The following DPP6 variants were observed in gnomAD, a reference collection of about 807,000 sequenced individuals.
DPP6 encodes the protein dipeptidyl peptidase like 6, also known as A-type potassium channel modulatory protein DPP6.
DPP6 carries 69 observed loss-of-function variants against 122.6 expected under a neutral mutation model. The ratio of observed to expected loss-of-function variants is 0.56; its 90% CI spans 0.46 to 0.69. The LOEUF (loss-of-function observed/expected upper bound fraction) is 0.69. Among genes scored for constraint, DPP6 ranks in the 30% least tolerant of loss-of-function variants. DPP6 has a pLI of 0.00. For synonymous variants in DPP6, 418 were observed against 433.1 expected, an observed-to-expected ratio of 0.97 and a Z score of 0.43; for missense variants, 928 against 1,116.9, an observed-to-expected ratio of 0.83 and a Z score of 2.41.
chr7:154,156,581 T>C (rs942148387), intron 1 of DPP6, among the ~76,000 whole-genome samples: 2 of 152,186 alleles, frequency 1.3e-5, no homozygotes, highest in African/African-American at 4.8e-5. Context: ...GGCTACATAA[T>C]CTTCATAGAA....
At chr7:153,964,779 CTCCTT>C (rs200745389) in intron 1 of DPP6, among the ~76,000 whole-genome samples, 4,979 of 114,490 alleles carry the variant, frequency 0.043, 236 homozygotes, top group Non-Finnish European at 0.059. Context: ...TTCTCCGTGG[CTCCTT>C]TCCTTTCCTT....
the DPP6 span, among the ~76,000 whole-genome samples, chr7:153,755,178 T>C: frequency 6.6e-6 from 1 of 151,496 alleles, no homozygotes; most frequent in African/African-American, 2.4e-5. Flanking sequence ...AACACTTAAG[T>C]TGGATGGCAA....
chr7:154,364,905 G>A (rs1812026630), intron 1 of DPP6, among the ~76,000 whole-genome samples: 1 of 152,190 alleles, frequency 6.6e-6, no homozygotes, highest in Non-Finnish European at 1.5e-5. Flanking sequence ...TAGGCACCCA[G>A]CTGACATTCA....
At chr7:154,608,611 A>C (rs1309326487) in intron 5 of DPP6, among the ~76,000 whole-genome samples, 1 of 151,594 alleles carries the variant, frequency 6.6e-6, no homozygotes, top group Non-Finnish European at 1.5e-5. Flanking sequence ...TGCCAGGATT[A>C]CAGGCTGAGC....
Position 154,483,071 on chromosome 7 carries a change from G to T in DPP6, c.457+8034G>T, listed in dbSNP as rs933150810. Among the ~76,000 whole-genome samples, 9 of 152,104 alleles carry T rather than the reference G, an allele frequency of 5.9e-5. No individual in the cohort carries two copies. The highest frequency in any genetic ancestry group is 1.3e-4 in the Non-Finnish European group (9 of 68,004). On this transcript the variant is annotated intron_variant, in intron 3 of 25. Coordinates refer to ENST00000377770, the MANE Select transcript of DPP6 (RefSeq NM_130797.4). The surrounding 1 kb of genome is among the most constrained non-coding windows in gnomAD (Gnocchi z 8.1). ...ACCATGGAAAGCGTGGGTTGTGGAG[G>T]TACTGCTCAGAGCCTCTCGGAGGGA...
chr7:153,857,010 G>A, the DPP6 span, among the ~76,000 whole-genome samples: 200 of 152,014 alleles, frequency 1.3e-3, 3 homozygotes, highest in African/African-American at 4.3e-3. Flanking sequence ...ATTTCCTATC[G>A]CCTCTAATTC....
At chr7:154,115,403 A>G (rs1279819654) in intron 1 of DPP6, among the ~76,000 whole-genome samples, 1 of 152,216 alleles carries the variant, frequency 6.6e-6, no homozygotes, top group East Asian at 1.9e-4. Context: ...GAACAGAATC[A>G]TCAGACTAGG....
At chr7:154,759,395 C>T (rs971542128) in intron 8 of DPP6, among the ~76,000 whole-genome samples, 13 of 152,334 alleles carry the variant, frequency 8.5e-5, no homozygotes, top group East Asian at 5.8e-4. Flanking sequence ...CTCAAGAGCA[C>T]GGGGACGTTC....
chr7:153,802,969 C>A, the DPP6 span, among the ~76,000 whole-genome samples: 1,148 of 151,806 alleles, frequency 7.6e-3, 11 homozygotes, highest in African/African-American at 0.026. Context: ...TATGCTCAGC[C>A]CGGCAGGCAG....
intron 3 of DPP6, among the ~76,000 whole-genome samples, chr7:154,490,279 G>A (rs1824161334): frequency 6.6e-6 from 1 of 152,216 alleles, no homozygotes; most frequent in Non-Finnish European, 1.5e-5. Flanking sequence ...ATCTGTGAAG[G>A]ATGAGACAAC....
intron 1 of DPP6, among the ~76,000 whole-genome samples, chr7:154,243,254 C>T: frequency 6.6e-6 from 1 of 151,978 alleles, no homozygotes; most frequent in East Asian, 1.9e-4. Flanking sequence ...TTCAAAGAAA[C>T]ATGAATATAA....
At chr7:154,839,773 G>T (rs1353437435) in intron 16 of DPP6, among the ~76,000 whole-genome samples, 1 of 152,138 alleles carries the variant, frequency 6.6e-6, no homozygotes, top group East Asian at 1.9e-4. Flanking sequence ...ACGCAGGAAC[G>T]AGGAGTCCAG....
intron 1 of DPP6, among the ~76,000 whole-genome samples, chr7:154,196,099 C>G (rs1200875069): frequency 6.6e-6 from 1 of 152,216 alleles, no homozygotes; most frequent in Non-Finnish European, 1.5e-5. Context: ...TTCCTCCTCT[C>G]CTCTCTGTTC....
intron 3 of DPP6, among the ~76,000 whole-genome samples, chr7:154,537,594 G>A (rs1037578436): frequency 6.6e-6 from 1 of 152,086 alleles, no homozygotes; most frequent in Non-Finnish European, 1.5e-5. Context: ...GAAGGCTGAG[G>A]CAAGAGAATC....
At chr7:154,294,397 G>A (rs1805404017) in intron 1 of DPP6, among the ~76,000 whole-genome samples, 1 of 152,080 alleles carries the variant, frequency 6.6e-6, no homozygotes, top group South Asian at 2.1e-4. Flanking sequence ...CCAGTTTTTA[G>A]TGGCCTACTT....
upstream of DPP6, among the ~76,000 whole-genome samples, chr7:153,883,390 CT>C (rs11399982): frequency 3.3e-5 from 5 of 150,752 alleles, no homozygotes; most frequent in African/African-American, 1.2e-4. Flanking sequence ...TTTTTTTGTT[CT>C]TTTTTTTTGA....
intron 1 of DPP6, among the ~76,000 whole-genome samples, chr7:154,318,515 G>T (rs1413236451): frequency 6.6e-6 from 1 of 152,160 alleles, no homozygotes; most frequent in Non-Finnish European, 1.5e-5. Flanking sequence ...TCACTTCATG[G>T]AAAGTCCTTT....
intron 5 of DPP6, among the ~76,000 whole-genome samples, chr7:154,579,348 T>C (rs960031923): frequency 2.6e-5 from 4 of 151,910 alleles, no homozygotes; most frequent in African/African-American, 9.7e-5. Flanking sequence ...AAACTCCGTC[T>C]CAAAATAAAA....
chr7:153,897,391 C>G (rs1799458006), intron 1 of DPP6, among the ~76,000 whole-genome samples: 1 of 152,208 alleles, frequency 6.6e-6, no homozygotes, highest in South Asian at 2.1e-4. Flanking sequence ...GGATTTCTAG[C>G]CTCTGCTGGA....
Sources: gnomAD v4.1 joint callset for allele counts (sites outside exome capture counted in the v4.1 genomes callset) on GRCh38, gnomAD v4.1.1 for gene constraint, Gnocchi (gnomAD v3.1) non-coding constraint, MANE v1.5 for transcripts, NCBI Gene and HGNC (gene_info 2026-07-23, HGNC 2026-07-21) for gene names.